Variants in CSRNP3 observed in about 807,000 individuals in gnomAD.
The protein encoded by CSRNP3 is cysteine/serine-rich nuclear protein 3.
Under a neutral mutation model 48.0 loss-of-function variants are expected in CSRNP3, and 12 were observed. The ratio of observed to expected loss-of-function variants is 0.25; its 90% CI spans 0.16 to 0.41. The LOEUF (loss-of-function observed/expected upper bound fraction) is 0.41. CSRNP3 is among the 10% of genes least tolerant of loss of function. The pLI is 1.00. For missense variants in CSRNP3, 580 were observed against 724.4 expected, an observed-to-expected ratio of 0.80 and a Z score of 2.29; for synonymous variants, 263 against 269.7, an observed-to-expected ratio of 0.98 and a Z score of 0.24.
intron 4 of CSRNP3, among the ~76,000 whole-genome samples, chr2:165,617,438 G>A (rs1021759737): frequency 6.6e-6 from 1 of 152,202 alleles, no homozygotes; most frequent in African/African-American, 2.4e-5. Context: ...TATCAGTAAT[G>A]TCTACGTTCC....
At chr2:165,654,091 A>G (rs886954357) in intron 4 of CSRNP3, among the ~76,000 whole-genome samples, 3 of 151,832 alleles carry the variant, frequency 2.0e-5, no homozygotes, top group Non-Finnish European at 4.4e-5. Flanking sequence ...GCCTTGAATA[A>G]TAATGCCTTT....
At chr2:165,491,950 T>TAAAAA (rs560385044) in intron 1 of CSRNP3, among the ~76,000 whole-genome samples, 22,446 of 103,460 alleles carry the variant, frequency 0.22, 2,069 homozygotes, top group East Asian at 0.35. Context: ...TAAAGTATAA[T>TAAAAA]AAAAAAAAAA....
At chr2:165,578,747 T>G (rs1255444325) in intron 3 of CSRNP3, among the ~76,000 whole-genome samples, 9 of 152,134 alleles carry the variant, frequency 5.9e-5, no homozygotes, top group African/African-American at 2.2e-4. Context: ...ATTGTTTTCT[T>G]GATAGAAAAA....
chr2:165,491,159 CAAA>C lies in CSRNP3; in HGVS notation c.-282-3598_-282-3596del, dbSNP rs1309866892. 2.7e-5 allele frequency among the ~76,000 whole-genome samples: 2 copies of C among 74,734 alleles called. 1 individual carries two copies. Among genetic ancestry groups the C allele is most frequent in the African/African-American group, 1.0e-4 (2 of 19,280 alleles). 49.0% of individuals were successfully genotyped at this position (74,734 alleles called of 152,430 possible). A position where few individuals can be genotyped will look rare whatever the true frequency, so the allele number is the denominator to read the frequency against. On this transcript the variant is annotated intron_variant, in intron 1 of 6. Coordinates refer to ENST00000651982, the MANE Select transcript of CSRNP3 (RefSeq NM_001172173.2). ...GCGAAGGACATGAACAGACACTTCT[CAAA>C]AGAAGACATTTATGCAGCCAAAAAA...
intron 3 of CSRNP3, among the ~76,000 whole-genome samples, chr2:165,575,794 C>CT (rs1685440686): frequency 6.6e-6 from 1 of 151,898 alleles, no homozygotes; most frequent in African/African-American, 2.4e-5. Context: ...GATTCTCACC[C>CT]TTTATCACTC....
chr2:165,471,025 T>C (rs1683888341), intron 1 of CSRNP3, among the ~76,000 whole-genome samples: 2 of 135,698 alleles, frequency 1.5e-5, no homozygotes, highest in South Asian at 4.5e-4. Flanking sequence ...TTTTTTTGTT[T>C]GAGAGATTTT....
chr2:165,609,369 G>T (rs1338147027), intron 4 of CSRNP3, among the ~76,000 whole-genome samples: 1 of 147,638 alleles, frequency 6.8e-6, no homozygotes, highest in East Asian at 2.0e-4. Context: ...TGAGGCAGGA[G>T]AATGGCGTGA....
chr2:165,562,926 C>T (rs941078908), intron 3 of CSRNP3, among the ~76,000 whole-genome samples: 5 of 151,996 alleles, frequency 3.3e-5, no homozygotes, highest in Non-Finnish European at 5.9e-5. Context: ...AAAGAGGGGG[C>T]GCTTTAGAGC....
intron 4 of CSRNP3, among the ~76,000 whole-genome samples, chr2:165,643,018 A>G (rs540523284): frequency 3.9e-5 from 6 of 152,330 alleles, no homozygotes; most frequent in Non-Finnish European, 5.9e-5. Context: ...GAGTGATTCT[A>G]TTCTTCCATG....
chr2:165,570,003 TATATC>T (rs1311313454), intron 3 of CSRNP3, among the ~76,000 whole-genome samples: 1 of 152,070 alleles, frequency 6.6e-6, no homozygotes, highest in African/African-American at 2.4e-5. Context: ...CATTAGATTT[TATATC>T]ATATCTTTCC....
intron 4 of CSRNP3, among the ~76,000 whole-genome samples, chr2:165,615,170 T>A (rs1356647682): frequency 6.6e-6 from 1 of 152,254 alleles, no homozygotes; most frequent in Non-Finnish European, 1.5e-5. Flanking sequence ...AGTCCTATTA[T>A]TGCTTTTGTG....
intron 2 of CSRNP3, among the ~76,000 whole-genome samples, chr2:165,514,323 TA>T (rs1574814244): frequency 6.6e-6 from 1 of 152,208 alleles, no homozygotes; most frequent in East Asian, 1.9e-4. Flanking sequence ...GATAACCTCA[TA>T]AAGGCAAGAT....
chr2:165,504,939 C>T (rs1046345077), intron 2 of CSRNP3, among the ~76,000 whole-genome samples: 2 of 152,116 alleles, frequency 1.3e-5, no homozygotes, highest in African/African-American at 4.8e-5. Context: ...TTATACTCTA[C>T]TTGAGAAGTT....
intron 4 of CSRNP3, among the ~76,000 whole-genome samples, chr2:165,634,260 A>G (rs895566118): frequency 6.6e-6 from 1 of 152,118 alleles, no homozygotes; most frequent in African/African-American, 2.4e-5. Context: ...GAATCATCTG[A>G]ACCTGGGAAG....
intron 2 of CSRNP3, among the ~76,000 whole-genome samples, chr2:165,510,983 G>A (rs958556393): frequency 5.9e-5 from 9 of 152,186 alleles, no homozygotes; most frequent in Non-Finnish European, 1.2e-4. Flanking sequence ...TCAGGCAAAG[G>A]AGTTGAGAAA....
At chr2:165,519,176 T>A (rs1470072594) in intron 3 of CSRNP3, among the ~76,000 whole-genome samples, 1 of 118,524 alleles carries the variant, frequency 8.4e-6, no homozygotes, top group African/African-American at 3.0e-5. Context: ...TATGAGATTC[T>A]AGGAATGAAA....
At chr2:165,592,118 G>A (rs1685727547) in intron 3 of CSRNP3, among the ~76,000 whole-genome samples, 1 of 152,244 alleles carries the variant, frequency 6.6e-6, no homozygotes, top group Non-Finnish European at 1.5e-5. Context: ...TCTTGCATCA[G>A]CATGCCCTGG....
At chr2:165,477,464 CAAATATATATATATATG>C (rs1173394056) in intron 1 of CSRNP3, among the ~76,000 whole-genome samples, 2 of 105,446 alleles carry the variant, frequency 1.9e-5, no homozygotes, top group African/African-American at 3.8e-5. Context: ...ACTAAAAATA[CAAATATATATATATATG>C]AAATATATAT....
chr2:165,649,561 T>C (rs1686871408), intron 4 of CSRNP3, among the ~76,000 whole-genome samples: 1 of 152,162 alleles, frequency 6.6e-6, no homozygotes, highest in Non-Finnish European at 1.5e-5. Context: ...TGGTTAGAAA[T>C]AGAGAAGAGT....
Sources: allele counts gnomAD v4.1 joint callset (sites outside exome capture counted in the v4.1 genomes callset), GRCh38; gene constraint gnomAD v4.1.1; transcripts MANE v1.5; gene names NCBI Gene and HGNC (gene_info 2026-07-23, HGNC 2026-07-21).